Variants in PCP4 observed in about 807,000 individuals in gnomAD.
PCP4 encodes the protein Purkinje cell protein 4.
Under a neutral mutation model 10.0 loss-of-function variants are expected in PCP4, and 8 were observed. The ratio of observed to expected loss-of-function variants is 0.80; its 90% CI spans 0.47 to 1.45. The LOEUF (loss-of-function observed/expected upper bound fraction) is 1.45, where lower values mean the gene tolerates loss of function less well. Among genes scored for constraint, PCP4 ranks in the 40% most tolerant of loss-of-function variants. PCP4 has a pLI of 0.00. For synonymous variants in PCP4, 21 were observed against 23.0 expected (o/e 0.91, Z 0.24); for missense variants, 54 against 74.4 (o/e 0.73, Z 1.01).
At chr21:39,890,615 C>T (rs1299942947) in intron 1 of PCP4, among the ~76,000 whole-genome samples, 2 of 151,856 alleles carry the variant, frequency 1.3e-5, no homozygotes, top group South Asian at 2.1e-4. Context: ...GTGATCCACC[C>T]ACCTCGGCCT....
chr21:39,908,230 G>A (rs2146343071), intron 2 of PCP4, among the ~76,000 whole-genome samples: 1 of 149,872 alleles, frequency 6.7e-6, no homozygotes, highest in Middle Eastern at 3.4e-3. Context: ...CTTTTTTAAG[G>A]ATGACATATT....
intron 2 of PCP4, among the ~76,000 whole-genome samples, chr21:39,923,136 C>A (rs1412094563): frequency 6.6e-6 from 1 of 152,162 alleles, no homozygotes; most frequent in Non-Finnish European, 1.5e-5. Flanking sequence ...AACTGTGAAG[C>A]CCTGGATGGC....
In PCP4 at chr21:39,928,937, A is replaced by G. The variant is rs1215885631; in HGVS notation, c.62-47A>G. The G allele has an allele frequency of 3.1e-6, 5 of 1,591,262 alleles. No individual in the cohort carries two copies. The Admixed American group carries it at 5.1e-5, about 16-fold the overall frequency. ...ATCTAGTGGGGCTGTCTGCTTTCCT[A>G]TTTTCAGCTCAGTGATTGCCTTCTG... On this transcript the variant is annotated intron_variant, in intron 2 of 2. Coordinates refer to ENST00000328619, the MANE Select transcript of PCP4 (RefSeq NM_006198.3).
chr21:39,889,855 A>G lies in PCP4; in HGVS notation c.10-8621A>G, dbSNP rs1191900148. Among the ~76,000 whole-genome samples, 4 of 152,162 alleles carry G rather than the reference A, an allele frequency of 2.6e-5. No homozygotes were observed. The South Asian group carries it at 6.2e-4, about 24-fold the overall frequency. On this transcript the variant is annotated intron_variant, in intron 1 of 2. Transcript: ENST00000328619. The stretch of plus-strand genomic sequence containing the variant: ...TTCATTTCACATTTCATACTCTTCA[A>G]TCTCTGGAATGAAAAATACGTGTCT...
intron 1 of PCP4, among the ~76,000 whole-genome samples, chr21:39,878,297 A>G (rs908384449): frequency 2.6e-5 from 4 of 152,212 alleles, no homozygotes; most frequent in African/African-American, 7.2e-5. Context: ...CGGGGCTTAC[A>G]GAAGTAGGGG....
Position 39,906,574 on chromosome 21 carries a change from T to G in PCP4, c.61+8047T>G, listed in dbSNP as rs1043794939. On this transcript the variant is annotated intron_variant, in intron 2 of 2. Coordinates refer to ENST00000328619, the MANE Select transcript of PCP4 (RefSeq NM_006198.3). This position sits in a 1 kb window ranked among gnomAD's most constrained non-coding sequence, Gnocchi z 6.3. ...TTCCGCTCCTCCTTCTTCCCCTTCCTTCCCCCTTTCCTTCCCTTCCTTCCC... is the reference window on the plus strand; with the variant it reads ...TTCCGCTCCTCCTTCTTCCCCTTCCGTCCCCCTTTCCTTCCCTTCCTTCCC... 6.6e-6 allele frequency among the ~76,000 whole-genome samples: 1 copy of G among 151,834 alleles called. No homozygotes were observed. Among genetic ancestry groups the G allele is most frequent in the African/African-American group, 2.4e-5 (1 of 41,354 alleles).
intron 2 of PCP4, among the ~76,000 whole-genome samples, chr21:39,903,651 G>T (rs1172456370): frequency 6.6e-6 from 1 of 151,882 alleles, no homozygotes; most frequent in Non-Finnish European, 1.5e-5. Context: ...GGCGGATCAC[G>T]AGGTCAGGAG....
intron 2 of PCP4, among the ~76,000 whole-genome samples, chr21:39,913,972 C>T (rs1243586705): frequency 1.0e-4 from 1 of 10,028 alleles, no homozygotes; most frequent in Non-Finnish European, 1.8e-4. Context: ...ACAGCCAGGG[C>T]CAAGAAGGAC....
In PCP4 at chr21:39,893,387, A is replaced by G. The variant is rs146442493; in HGVS notation, c.10-5089A>G. ...CAGTTAGATGCACAAGGATCTTCATATACCCATTTGTTATTTAGATTCCCT... is the reference window on the plus strand; with the variant it reads ...CAGTTAGATGCACAAGGATCTTCATGTACCCATTTGTTATTTAGATTCCCT... On this transcript the variant is annotated intron_variant, in intron 1 of 2. Transcript: ENST00000328619. 3.3e-5 allele frequency among the ~76,000 whole-genome samples: 5 copies of G among 152,332 alleles called. No individual in the cohort carries two copies. The East Asian group carries it at 5.8e-4, about 18-fold the overall frequency.
intron 1 of PCP4, among the ~76,000 whole-genome samples, chr21:39,872,246 G>A (rs936363757): frequency 1.3e-5 from 2 of 152,238 alleles, no homozygotes; most frequent in African/African-American, 4.8e-5. Flanking sequence ...TGATCCGCCC[G>A]CCTTGGCCTC....
intron 2 of PCP4, among the ~76,000 whole-genome samples, chr21:39,900,956 C>T (rs2087480004): frequency 6.6e-6 from 1 of 152,068 alleles, no homozygotes; most frequent in Non-Finnish European, 1.5e-5. Flanking sequence ...AATAAACCCA[C>T]TACATGTGAA....
chr21:39,929,245 G>A lies in PCP4; in HGVS notation c.*134G>A, dbSNP rs1291123648. The A allele has an allele frequency of 6.7e-6, 5 of 750,872 alleles. No individual in the cohort carries two copies. The East Asian group carries it at 1.4e-4, about 20-fold the overall frequency. 46.5% of individuals were successfully genotyped at this position (750,872 alleles called of 1,614,324 possible). A position where few individuals can be genotyped will look rare whatever the true frequency, so the allele number is the denominator to read the frequency against. ...CACGCATAGCAAACCTCCAATGCAT[G>A]TACAGAAACCTGTGATATTTATACC... On this transcript the variant is annotated 3_prime_UTR_variant, in exon 3 of 3. Transcript: ENST00000328619.
rs142504671 is a variant in PCP4, at chr21:39,868,932, C to T, written c.9+1422C>T. 4.0e-3 allele frequency among the ~76,000 whole-genome samples: 613 copies of T among 152,196 alleles called. 5 individuals are homozygous for T. The highest frequency in any genetic ancestry group is 0.014 in the African/African-American group (589 of 41,524). On this transcript the variant is annotated intron_variant, in intron 1 of 2. Coordinates refer to ENST00000328619, the MANE Select transcript of PCP4 (RefSeq NM_006198.3). ...AGAGAAAGAAAGAAAGGAGCTGGGG[C>T]TCTGAAATAGAGATGGAATGATGAG...
chr21:39,893,188 C>A (rs1429138013), intron 1 of PCP4, among the ~76,000 whole-genome samples: 1 of 152,212 alleles, frequency 6.6e-6, no homozygotes, highest in Non-Finnish European at 1.5e-5. Flanking sequence ...CAACCGACAT[C>A]TGCCTCATGC....
At chr21:39,867,563 G>A in intron 1 of PCP4, 53 bp downstream of exon 1, 9 of 1,565,788 alleles carry the variant, frequency 5.7e-6, no homozygotes, top group Non-Finnish European at 7.9e-6. Flanking sequence ...AAGGGACCTC[G>A]GCTGAAGGAT....
At chr21:39,878,267 G>C (rs147348423) in intron 1 of PCP4, among the ~76,000 whole-genome samples, 108 of 152,268 alleles carry the variant, frequency 7.1e-4, no homozygotes, top group African/African-American at 2.6e-3. Context: ...GATGCTAATG[G>C]GTAACCTTCC....
intron 2 of PCP4, among the ~76,000 whole-genome samples, chr21:39,918,038 C>T (rs566188041): frequency 2.0e-5 from 3 of 152,232 alleles, no homozygotes; most frequent in African/African-American, 7.2e-5. Flanking sequence ...ACCTGCTCTG[C>T]CAACACGTTA....
At chr21:39,883,267 T>C (rs560644816) in intron 1 of PCP4, among the ~76,000 whole-genome samples, 14 of 152,284 alleles carry the variant, frequency 9.2e-5, no homozygotes, top group African/African-American at 3.4e-4. Context: ...TGGCTGTAGC[T>C]GGCATAAATG....
At chr21:39,877,553 C>T (rs1445566832) in intron 1 of PCP4, among the ~76,000 whole-genome samples, 1 of 151,530 alleles carries the variant, frequency 6.6e-6, no homozygotes, top group Non-Finnish European at 1.5e-5. Context: ...AAAAATTAGC[C>T]GGGTGTGGTG....
Sources: gnomAD v4.1 joint callset for allele counts (sites outside exome capture counted in the v4.1 genomes callset) on GRCh38, gnomAD v4.1.1 for gene constraint, Gnocchi (gnomAD v3.1) non-coding constraint, MANE v1.5 for transcripts, NCBI Gene and HGNC (gene_info 2026-07-23, HGNC 2026-07-21) for gene names.